The following MACF1 variants were observed in gnomAD, a reference collection of about 807,000 sequenced individuals.
The protein encoded by MACF1 is microtubule actin crosslinking factor 1.
A neutral mutation model predicts 854.8 loss-of-function variants in MACF1; 193 were observed. The observed-to-expected ratio is 0.23, with a 90% CI of 0.20 to 0.25. MACF1 has a LOEUF of 0.25. MACF1 is among the 10% of genes least tolerant of loss of function. The probability of loss-of-function intolerance (pLI) is 1.00; values close to 1 mark genes in which losing one functional copy is unlikely to be tolerated. For synonymous variants in MACF1, 3,185 were observed against 3,226.7 expected, an observed-to-expected ratio of 0.99 and a Z score of 0.44; for missense variants, 7,722 against 8,929.1, an observed-to-expected ratio of 0.86 and a Z score of 5.45.
chr1:39,332,562 C>CTT lies in MACF1; in HGVS notation c.5975_5976insTT (p.Thr1993Ter). ...GTTAGATAAAGAGCTGATGGAGACA[C>CTT]TAACATCCAGAGATGAGTATCAAAC... On this transcript the variant is annotated frameshift_variant, in exon 37 of 101. Coordinates refer to ENST00000564288, the MANE Select transcript of MACF1 (RefSeq NM_001394062.1). LOFTEE classifies it high-confidence loss of function. 5.6e-6 allele frequency: 9 copies of CTT among 1,614,114 alleles called. No individual in the cohort carries two copies. The highest frequency in any genetic ancestry group is 7.6e-6 in the Non-Finnish European group (9 of 1,180,016).
intron 40 of MACF1, among the ~76,000 whole-genome samples, chr1:39,341,322 C>G (rs1646931276): frequency 6.6e-6 from 1 of 151,536 alleles, no homozygotes; most frequent in African/African-American, 2.4e-5. Flanking sequence ...GTGTGAGCCA[C>G]CACACCCGGC....
chr1:39,292,873 G>C (rs1645822920), intron 17 of MACF1, 30 bp downstream of exon 17: 1 of 1,563,558 alleles, frequency 6.4e-7, no homozygotes, highest in East Asian at 2.3e-5. Context: ...CTTACATTCT[G>C]CTCATAGAGT....
chr1:39,173,028 C>G (rs1375283137), intron 2 of MACF1, among the ~76,000 whole-genome samples: 1 of 152,056 alleles, frequency 6.6e-6, no homozygotes, highest in Non-Finnish European at 1.5e-5. Context: ...ACACTGCTTA[C>G]AAAACCCAGT....
Position 39,437,826 on chromosome 1 carries a change from C to T in MACF1, c.18038C>T (p.Ser6013Phe), listed in dbSNP as rs1339765500. The T allele has an allele frequency of 1.9e-6, 3 of 1,614,162 alleles. No individual in the cohort carries two copies. Among genetic ancestry groups the T allele is most frequent in the South Asian group, 2.2e-5 (2 of 91,086 alleles). Residue 6013 changes from serine to phenylalanine, a missense_variant, in exon 71 of 101, where the codon TCT becomes TTT. By Grantham distance (155) the Ser-to-Phe change is radical. Transcript: ENST00000564288. ...TTGGAGACACTGGAGAATCTTTCCT[C>T]TCGCCTGCGTATGCCACCACTGATC... ...PMLETLENLS[S>F]RLRMPPLIPA... is the part of the protein sequence containing the mutation.
intron 2 of MACF1, among the ~76,000 whole-genome samples, chr1:39,099,306 C>G (rs1226424753): frequency 6.6e-6 from 1 of 152,204 alleles, no homozygotes; most frequent in Non-Finnish European, 1.5e-5. Flanking sequence ...CAGGTGACCA[C>G]CATCACGCCC....
chr1:39,334,062 G>A lies in MACF1; in HGVS notation c.7474G>A (p.Glu2492Lys). The stretch of plus-strand genomic sequence containing the variant: ...CATTGACAGAGGTCTTTTGGAGAGA[G>A]AGGAGGCCGTTCGTTTGTTGACTAA... ...QSIDRGLLER[E>K]EAVRLLTKQV... Residue 2492 changes from glutamate to lysine, a missense_variant, in exon 37 of 101, where the codon GAG (glutamate) becomes AAG (lysine). Around this residue, in one of 15 missense-constraint regions of MACF1, gnomAD observed 1,531 missense variants for 1,601.6 expected, o/e 0.96. Coordinates refer to ENST00000564288, the MANE Select transcript of MACF1 (RefSeq NM_001394062.1). 1.2e-6 allele frequency: 2 copies of A among 1,614,172 alleles called. No individual in the cohort carries two copies. The highest frequency in any genetic ancestry group is 1.7e-6 in the Non-Finnish European group (2 of 1,180,020).
At chr1:39,292,332 T>C (rs1464221180) in intron 16 of MACF1, among the ~76,000 whole-genome samples, 4 of 152,226 alleles carry the variant, frequency 2.6e-5, no homozygotes, top group African/African-American at 9.6e-5. Context: ...TCAGGCCCTC[T>C]GCCTCTATAA....
At chr1:39,101,376 A>G (rs139159678) in intron 2 of MACF1, among the ~76,000 whole-genome samples, 1 of 100,290 alleles carries the variant, frequency 1.0e-5, no homozygotes, top group African/African-American at 3.1e-5. Flanking sequence ...AAAAATATGT[A>G]TATATATATA....
chr1:39,332,511 G>T lies in MACF1; in HGVS notation c.5923G>T (p.Val1975Leu). ...FQLMTHSYIN[V>L]QNGQRLLLLD... ...GCTGATGACTCACAGCTATATTAAT[G>T]TGCAAAATGGACAGAGGCTGCTTCT... The change falls in exon 37 of 101, where the codon GTG (valine) becomes TTG (leucine). Residue 1975 changes from valine (V) to leucine (L), a missense_variant. Transcript: ENST00000564288. 1.9e-6 allele frequency: 3 copies of T among 1,614,068 alleles called. No homozygotes were observed. The East Asian group carries it at 6.7e-5, about 36-fold the overall frequency.
chr1:39,387,324 C>T lies in MACF1; in HGVS notation c.14482C>T (p.Arg4828Trp), dbSNP rs188910967. The T allele has an allele frequency of 4.0e-5, 65 of 1,614,116 alleles. No individual in the cohort carries two copies. The East Asian group carries it at 1.1e-3, about 27-fold the overall frequency. ...CTGCCCAATTTCTGCAAAATTGGAG[C>T]GGCTACAGTCTCAGCTACAGGAGAA... ...KNCPISAKLE[R>W]LQSQLQENEE... Residue 4828 changes from arginine (R) to tryptophan (W), a missense_variant, in exon 58 of 101, where the codon CGG becomes TGG. By Grantham distance (101) the Arg-to-Trp change is moderately radical (BLOSUM62 -3). Around this residue, in one of 15 missense-constraint regions of MACF1, gnomAD observed 2,807 missense variants for 3,235.8 expected, o/e 0.87. Transcript: ENST00000564288.
chr1:39,131,340 A>AT (rs754371197), intron 2 of MACF1, among the ~76,000 whole-genome samples: 3,532 of 128,932 alleles, frequency 0.027, 75 homozygotes, highest in African/African-American at 0.061. Context: ...CAGTTTTATT[A>AT]TTTTTTTTTT....
rs1214485615 is a variant in MACF1, at chr1:39,452,248, C to T, written c.20511C>T (p.Thr6837=). 6 of 1,614,180 alleles carry T rather than the reference C, an allele frequency of 3.7e-6. No individual in the cohort carries two copies. The highest frequency in any genetic ancestry group is 1.7e-5 in the Admixed American group (1 of 60,018). ...TGATTGAGAATAGTCGAGATGACAC[C>T]ACTTGGGTAAAAGGACAGCTCCAGG... ...RELIENSRDD[T]TWVKGQLQEL... is the part of the protein sequence containing the mutation. The change falls in exon 86 of 101, where the codon ACC becomes ACT. Residue 6837 remains threonine (T), a synonymous_variant. Transcript: ENST00000564288.
intron 2 of MACF1, among the ~76,000 whole-genome samples, chr1:39,163,760 C>T (rs1352922041): frequency 6.6e-6 from 1 of 152,198 alleles, no homozygotes; most frequent in African/African-American, 2.4e-5. Flanking sequence ...CACACCCCAA[C>T]ATACACCCTC....
chr1:39,194,354 T>TTCTTTC (rs1157086630), intron 2 of MACF1, among the ~76,000 whole-genome samples: 1 of 121,158 alleles, frequency 8.3e-6, no homozygotes, highest in African/African-American at 3.0e-5. Context: ...TTCTTTTCTT[T>TTCTTTC]TTTTTTTTTT....
At position 39,264,301 on chromosome 1, in the gene MACF1, A is replaced by G. The variant is rs149223271; in HGVS notation, c.528+6273A>G. Among the ~76,000 whole-genome samples, 40 of 152,216 alleles carry G rather than the reference A, an allele frequency of 2.6e-4. No homozygotes were observed. In the East Asian group the frequency reaches 6.8e-3, roughly 26 times the overall value. On this transcript the variant is annotated intron_variant, in intron 6 of 100. Transcript: ENST00000564288. Reference sequence around the variant, plus strand: ...CCTTCAGTTTGCCTATATTTTGCCAAATTGCTCTCAAAGGTACTGTATGAC... The same window carrying G: ...CCTTCAGTTTGCCTATATTTTGCCAGATTGCTCTCAAAGGTACTGTATGAC...
intron 18 of MACF1, among the ~76,000 whole-genome samples, chr1:39,294,177 CATTT>C (rs1204384094): frequency 2.0e-5 from 3 of 152,146 alleles, no homozygotes; most frequent in African/African-American, 7.2e-5. Flanking sequence ...CTCCTTAATT[CATTT>C]ATTAACTTTT....
intron 6 of MACF1, among the ~76,000 whole-genome samples, chr1:39,263,836 C>T (rs1235618246): frequency 8.1e-5 from 11 of 135,120 alleles, no homozygotes; most frequent in African/African-American, 1.7e-4. Context: ...TGCAGTGGCG[C>T]GATTTCAGCT....
chr1:39,298,093 A>G lies in MACF1; in HGVS notation c.2481+348A>G, dbSNP rs1021342270. ...GTGTTGAGCATGAAGAAAAGGTTGA[A>G]GGGGATTAGTTGATATCAAATTCTT... is the stretch of plus-strand genomic sequence containing the variant. On this transcript the variant is annotated intron_variant, in intron 21 of 100. Coordinates refer to ENST00000564288, the MANE Select transcript of MACF1 (RefSeq NM_001394062.1). 5.3e-5 allele frequency among the ~76,000 whole-genome samples: 8 copies of G among 152,018 alleles called. No homozygotes were observed. The South Asian group carries it at 8.3e-4, about 16-fold the overall frequency.
intron 1 of MACF1, among the ~76,000 whole-genome samples, chr1:39,220,189 T>G (rs1218900584): frequency 6.6e-6 from 1 of 152,176 alleles, no homozygotes; most frequent in Non-Finnish European, 1.5e-5. Flanking sequence ...AAAAAATTTT[T>G]TTTTGAGATG....
Sources: gnomAD v4.1 joint callset for allele counts (sites outside exome capture counted in the v4.1 genomes callset) on GRCh38, gnomAD v4.1.1 for gene constraint, gnomAD v4.1.1 regional missense constraint, MANE v1.5 for transcripts, NCBI Gene and HGNC (gene_info 2026-07-23, HGNC 2026-07-21) for gene names.